Variants in ESRRG observed in about 807,000 individuals in gnomAD.
ESRRG encodes estrogen-related receptor gamma.
ESRRG carries 13 observed loss-of-function variants against 44.0 expected under a neutral mutation model. The observed-to-expected ratio is 0.30, with a 90% CI of 0.19 to 0.47. The LOEUF is 0.47. Ranked by LOEUF, ESRRG falls within the 20% of genes least tolerant of loss-of-function variation. The probability of loss-of-function intolerance (pLI) is 1.00; values close to 1 mark genes in which losing one functional copy is unlikely to be tolerated. For missense variants in ESRRG, 395 were observed against 580.6 expected, an observed-to-expected ratio of 0.68 and a Z score of 3.29; for synonymous variants, 215 against 214.6, an observed-to-expected ratio of 1.00 and a Z score of -0.02.
At chr1:217,117,414 T>A (rs2092744738) in intron 1 of ESRRG, among the ~76,000 whole-genome samples, 1 of 151,852 alleles carries the variant, frequency 6.6e-6, no homozygotes, top group Admixed American at 6.6e-5. Context: ...TAAGACCCCA[T>A]CTCTACAAAA....
chr1:217,133,631 TTCTCTCTCTCTCTC>T (rs375424445), intron 1 of ESRRG, among the ~76,000 whole-genome samples: 70 of 58,436 alleles, frequency 1.2e-3, no homozygotes, highest in South Asian at 1.7e-3. Flanking sequence ...CTTTCTTTCT[TTCTCTCTCTCTCTC>T]TCTTTCTTTC....
At chr1:216,997,838 A>C (rs1212772781) in intron 1 of ESRRG, among the ~76,000 whole-genome samples, 1 of 152,196 alleles carries the variant, frequency 6.6e-6, no homozygotes, top group Non-Finnish European at 1.5e-5. Flanking sequence ...AGGAACCCAA[A>C]TTATTACATT....
At chr1:216,948,497 A>G (rs981359957) in intron 1 of ESRRG, among the ~76,000 whole-genome samples, 1 of 147,356 alleles carries the variant, frequency 6.8e-6, no homozygotes, top group African/African-American at 2.5e-5. Flanking sequence ...AAAAAAAAAG[A>G]AAGAAAGAAA....
chr1:217,128,320 T>C (rs2092917120), intron 1 of ESRRG, among the ~76,000 whole-genome samples: 1 of 152,368 alleles, frequency 6.6e-6, no homozygotes, highest in African/African-American at 2.4e-5. Flanking sequence ...TAATGTCCAT[T>C]GATATCCTTA....
intron 1 of ESRRG, among the ~76,000 whole-genome samples, chr1:217,028,032 A>G (rs1434207064): frequency 3.9e-5 from 6 of 152,232 alleles, no homozygotes; most frequent in African/African-American, 1.2e-4. Flanking sequence ...CTGTCACGAG[A>G]ATCACAAAAA....
chr1:216,690,055 C>A (rs12046168), intron 1 of ESRRG, among the ~76,000 whole-genome samples: 2 of 152,084 alleles, frequency 1.3e-5, no homozygotes, highest in East Asian at 3.9e-4. Context: ...TTGGAAGTTT[C>A]TAATAAAGTT....
At chr1:216,745,033 G>C (rs934459108) in intron 2 of ESRRG, among the ~76,000 whole-genome samples, 5 of 152,136 alleles carry the variant, frequency 3.3e-5, no homozygotes, top group African/African-American at 1.2e-4. Flanking sequence ...ACTCAGCCCA[G>C]GGTCTCAATT....
chr1:216,628,193 C>G (rs1300204510), intron 3 of ESRRG, among the ~76,000 whole-genome samples: 1 of 152,188 alleles, frequency 6.6e-6, no homozygotes, highest in African/African-American at 2.4e-5. Context: ...AGTGTACACT[C>G]AATGAATACA....
intron 3 of ESRRG, among the ~76,000 whole-genome samples, chr1:216,569,955 G>C (rs563995775): frequency 6.6e-6 from 1 of 152,264 alleles, no homozygotes; most frequent in Non-Finnish European, 1.5e-5. Context: ...TTAATGTCAC[G>C]CAGAATATGT....
At chr1:216,923,697 A>G (rs1258881952) in intron 2 of ESRRG, among the ~76,000 whole-genome samples, 1 of 152,186 alleles carries the variant, frequency 6.6e-6, no homozygotes, top group Admixed American at 6.5e-5. Flanking sequence ...CATTCCATGC[A>G]TCCGCTTTCT....
rs1379656468 is a variant in ESRRG, at chr1:216,779,117, T to TATAA, written c.-13-101627_-13-101626insTTAT. ...GGCTTAAACTATATATATATATATA[T>TATAA]AATTATATATGTAAATATAAATATA... On this transcript the variant is annotated intron_variant, in intron 2 of 7. Transcript: ENST00000359162. Among the ~76,000 whole-genome samples the TATAA allele has an allele frequency of 6.4e-5, 7 of 109,936 alleles. No individual in the cohort carries two copies. The East Asian group carries it at 7.2e-4, about 11-fold the overall frequency. 72.1% of individuals were successfully genotyped at this position (109,936 alleles called of 152,430 possible).
At chr1:216,802,909 A>G (rs2094669528) in intron 2 of ESRRG, among the ~76,000 whole-genome samples, 1 of 152,162 alleles carries the variant, frequency 6.6e-6, no homozygotes, top group South Asian at 2.1e-4. Context: ...GATTTTACAT[A>G]TCTTGAAGAC....
At chr1:216,601,863 T>C (rs576363709) in intron 3 of ESRRG, among the ~76,000 whole-genome samples, 56 of 152,336 alleles carry the variant, frequency 3.7e-4, no homozygotes, top group African/African-American at 1.3e-3. Context: ...TGTAACATTC[T>C]GGAATTTTTA....
Position 216,608,855 on chromosome 1 carries a change from A to C in ESRRG, c.590-40757T>G, listed in dbSNP as rs540177511. On this transcript the variant is annotated intron_variant, in intron 3 of 6. Transcript: ENST00000408911. The stretch of plus-strand genomic sequence containing the variant: ...CTTTACCAATTCCCTCTAGTTCACA[A>C]AACACCTCTGAAATTAATATATCTA... Among the ~76,000 whole-genome samples, 8 of 152,318 alleles carry C rather than the reference A, an allele frequency of 5.3e-5. No homozygotes were observed. In the South Asian group the frequency reaches 1.7e-3, roughly 32 times the overall value.
At chr1:216,677,852 T>C (rs1305679003) in intron 1 of ESRRG, among the ~76,000 whole-genome samples, 3 of 152,314 alleles carry the variant, frequency 2.0e-5, no homozygotes, top group East Asian at 3.9e-4. Flanking sequence ...AATATCTAAC[T>C]CAACTCTAGA....
At chr1:216,789,141 A>T (rs1356712481) in intron 2 of ESRRG, among the ~76,000 whole-genome samples, 1 of 152,190 alleles carries the variant, frequency 6.6e-6, no homozygotes, top group African/African-American at 2.4e-5. Flanking sequence ...ATTGACTCTC[A>T]TTTTGGCAGA....
intron 2 of ESRRG, among the ~76,000 whole-genome samples, chr1:216,779,849 C>T (rs1056781723): frequency 6.6e-6 from 1 of 151,544 alleles, no homozygotes. Context: ...GCTGGCTTAT[C>T]TCTCTGACAC....
intron 2 of ESRRG, among the ~76,000 whole-genome samples, chr1:216,733,550 A>G (rs748006325): frequency 5.9e-5 from 9 of 152,204 alleles, no homozygotes; most frequent in African/African-American, 2.2e-4. Context: ...TATTTTTACC[A>G]TACTTAATTC....
chr1:216,602,296 A>C (rs561813463), intron 3 of ESRRG, among the ~76,000 whole-genome samples: 1 of 152,330 alleles, frequency 6.6e-6, no homozygotes, highest in South Asian at 2.1e-4. Context: ...CTCACTTGTC[A>C]TGAGCCTGAA....
Sources: allele counts gnomAD v4.1 joint callset (sites outside exome capture counted in the v4.1 genomes callset), GRCh38; gene constraint gnomAD v4.1.1; transcripts MANE v1.5; gene names NCBI Gene and HGNC (gene_info 2026-07-23, HGNC 2026-07-21).